The following ABCG1 variants were observed in gnomAD, a reference collection of about 807,000 sequenced individuals.
ABCG1 encodes the protein ATP binding cassette subfamily G member 1, also known as ATP-binding cassette sub-family G member 1.
ABCG1 carries 29 observed loss-of-function variants against 69.2 expected under a neutral mutation model. That is an observed-to-expected ratio of 0.42 (90% confidence interval 0.31 to 0.57). The LOEUF (loss-of-function observed/expected upper bound fraction) is 0.57, where lower values mean the gene tolerates loss of function less well. Among genes scored for constraint, ABCG1 ranks in the 20% least tolerant of loss-of-function variants. The pLI, the probability that ABCG1 is intolerant of heterozygous loss-of-function variation, is 0.15. For missense variants in ABCG1, 718 were observed against 898.1 expected (o/e 0.80, Z 2.56); for synonymous variants, 370 against 374.8 (o/e 0.99, Z 0.15).
At chr21:42,268,814 A>G (rs1206125167) in intron 2 of ABCG1, among the ~76,000 whole-genome samples, 1 of 151,998 alleles carries the variant, frequency 6.6e-6, no homozygotes. Flanking sequence ...TTCCCATGAG[A>G]GGGCCGAATG....
rs2068999553 is a variant in ABCG1, at chr21:42,288,799, G to A, written c.1224+487G>A. Among the ~76,000 whole-genome samples the A allele has an allele frequency of 6.6e-6, 1 of 152,126 alleles. No individual in the cohort carries two copies. Among genetic ancestry groups the A allele is most frequent in the Non-Finnish European group, 1.5e-5 (1 of 68,006 alleles). On this transcript the variant is annotated intron_variant, in intron 10 of 14. Coordinates refer to ENST00000398449, the MANE Select transcript of ABCG1 (RefSeq NM_016818.3). This position sits in a 1 kb window ranked among gnomAD's most constrained non-coding sequence, Gnocchi z 4.8. ...GGAAAGGAAAAAAGAAAGAAAGAAA[G>A]AAATGCCTGAGCCTGGGGAATTTAT...
chr21:42,285,798 T>C (rs2068928712), intron 7 of ABCG1, 82 bp from the exon 8 acceptor site: 1 of 916,684 alleles, frequency 1.1e-6, no homozygotes, highest in Non-Finnish European at 1.8e-6. Context: ...GTTGATTGAT[T>C]GGTTGATTGA....
At position 42,273,871 on chromosome 21, in the gene ABCG1, C is replaced by T. The variant is rs1411468349; in HGVS notation, c.537+436C>T. 6.6e-6 allele frequency among the ~76,000 whole-genome samples: 1 copy of T among 152,184 alleles called. No homozygotes were observed. Among genetic ancestry groups the T allele is most frequent in the East Asian group, 1.9e-4 (1 of 5,194 alleles). ...GTCAGGATACCAAGGGTCTATTCCT[C>T]TGACTCACCTGCCTCCCAGGTGGGA... is the stretch of plus-strand genomic sequence containing the variant. On this transcript the variant is annotated intron_variant, in intron 4 of 14. Transcript: ENST00000398449. This position sits in a 1 kb window ranked among gnomAD's most constrained non-coding sequence, Gnocchi z 5.3.
At chr21:42,233,360 G>C (rs553140303) in intron 2 of ABCG1, among the ~76,000 whole-genome samples, 1 of 152,160 alleles carries the variant, frequency 6.6e-6, no homozygotes, top group African/African-American at 2.4e-5. Flanking sequence ...CTCCTGCCCC[G>C]TGGAGGGAGC....
chr21:42,205,826 A>G (rs1050044254), intron 2 of ABCG1, among the ~76,000 whole-genome samples: 1 of 152,170 alleles, frequency 6.6e-6, no homozygotes, highest in Non-Finnish European at 1.5e-5. Context: ...ATTCAGTGCT[A>G]TAAATTTCCC....
intron 2 of ABCG1, among the ~76,000 whole-genome samples, chr21:42,243,985 A>AT (rs1439503303): frequency 1.3e-5 from 2 of 151,694 alleles, no homozygotes; most frequent in Admixed American, 6.6e-5. Context: ...CGCCCGGCTA[A>AT]TTTTTTGTAT....
At chr21:42,216,083 T>C (rs1018658811), upstream of ABCG1, 2 of 443,996 alleles carry the variant, frequency 4.5e-6, no homozygotes, top group Non-Finnish European at 9.0e-6. Context: ...GATGGCTTTA[T>C]AAAGGGGAGT....
At chr21:42,211,849 A>G (rs1331592901), upstream of ABCG1, among the ~76,000 whole-genome samples, 1 of 152,206 alleles carries the variant, frequency 6.6e-6, no homozygotes, top group Non-Finnish European at 1.5e-5. Context: ...AGATTGTGCC[A>G]CTGCACTCCA....
intron 2 of ABCG1, among the ~76,000 whole-genome samples, chr21:42,206,130 G>C (rs191988717): frequency 2.0e-4 from 31 of 152,198 alleles, no homozygotes; most frequent in Middle Eastern, 3.4e-3. Context: ...AGGCTGAGGT[G>C]GGAGGATCAC....
Position 42,287,880 on chromosome 21 carries a change from C to T in ABCG1, c.974-9C>T, listed in dbSNP as rs778723381. On this transcript the variant is annotated splice_polypyrimidine_tract_variant and intron_variant, in intron 8 of 14. Transcript: ENST00000398449. The surrounding 1 kb of genome is among the most constrained non-coding windows in gnomAD (Gnocchi z 6.2). ...AGCCCGGGCTGACCCCCGTCTGTGT[C>T]TCCTGCAGTCATGGAGGTTGCATCC... is the stretch of plus-strand genomic sequence containing the variant. The T allele has an allele frequency of 5.8e-6, 9 of 1,565,170 alleles. No individual in the cohort carries two copies. In the East Asian group the frequency reaches 1.8e-4, roughly 32 times the overall value.
intron 2 of ABCG1, among the ~76,000 whole-genome samples, chr21:42,258,673 C>T (rs2068351494): frequency 6.6e-6 from 1 of 152,264 alleles, no homozygotes; most frequent in South Asian, 2.1e-4. Flanking sequence ...TAATCCTCCT[C>T]TAGAGCATTC....
intron 2 of ABCG1, among the ~76,000 whole-genome samples, chr21:42,207,712 G>A (rs1358461240): frequency 6.6e-6 from 1 of 152,240 alleles, no homozygotes; most frequent in Non-Finnish European, 1.5e-5. Context: ...ACCCAAAAGA[G>A]GGGCTCCTCA....
intron 2 of ABCG1, among the ~76,000 whole-genome samples, chr21:42,253,836 TC>T (rs1256832859): frequency 2.6e-5 from 4 of 152,114 alleles, no homozygotes; most frequent in Middle Eastern, 3.2e-3. Flanking sequence ...TCTGAGTGCC[TC>T]CTTGGGGTGC....
chr21:42,278,137 G>A lies in ABCG1; in HGVS notation c.588+1192G>A, dbSNP rs60543800. On this transcript the variant is annotated intron_variant, in intron 5 of 14. Transcript: ENST00000398449. ...TTCTGAGATTGAAAAGAAAATGGATGAGTGGAAACCAAAAGAGAGAAAATG... is the reference window on the plus strand; with the variant it reads ...TTCTGAGATTGAAAAGAAAATGGATAAGTGGAAACCAAAAGAGAGAAAATG... Among the ~76,000 whole-genome samples, 465 of 152,318 alleles carry A rather than the reference G, an allele frequency of 3.1e-3. 3 individuals are homozygous for A. The highest frequency in any genetic ancestry group is 9.9e-3 in the African/African-American group (413 of 41,562).
Position 42,225,859 on chromosome 21 carries a change from T to G in ABCG1, c.231T>G (p.Ile77Met). Residue 77 changes from isoleucine to methionine, a missense_variant, in exon 2 of 15, where the codon ATT becomes ATG. Around this residue, in one of 2 missense-constraint regions of ABCG1, gnomAD observed 514 missense variants for 574.3 expected, o/e 0.90. Coordinates refer to ENST00000398449, the MANE Select transcript of ABCG1 (RefSeq NM_016818.3). ...TGCCTCGGAGGGCAGCTGTGAACAT[T>G]GAATTCAGGGACCTTTCCTATTCGG... Reference protein sequence around the residue: ...SSLPRRAAVNIEFRDLSYSVP... With the variant: ...SSLPRRAAVNMEFRDLSYSVP... 1 of 1,613,874 alleles carries G rather than the reference T, an allele frequency of 6.2e-7. No homozygotes were observed. The highest frequency in any genetic ancestry group is 8.5e-7 in the Non-Finnish European group (1 of 1,179,990).
chr21:42,224,202 C>A (rs2067776868), intron 1 of ABCG1, among the ~76,000 whole-genome samples: 1 of 152,192 alleles, frequency 6.6e-6, no homozygotes, highest in Non-Finnish European at 1.5e-5. Context: ...CATCCCCCCT[C>A]CAAAGCCCAG....
chr21:42,284,229 C>G (rs1231129403), intron 6 of ABCG1, among the ~76,000 whole-genome samples: 3 of 148,520 alleles, frequency 2.0e-5, no homozygotes, highest in African/African-American at 4.9e-5. Context: ...GGGGACCCCC[C>G]CACCTCTGTC....
intron 2 of ABCG1, among the ~76,000 whole-genome samples, chr21:42,227,404 G>T (rs1308560986): frequency 6.6e-6 from 1 of 152,184 alleles, no homozygotes; most frequent in Non-Finnish European, 1.5e-5. Context: ...GGCGTCGTTT[G>T]TCTATATAGA....
intron 1 of ABCG1, among the ~76,000 whole-genome samples, chr21:42,225,104 A>C (rs965535974): frequency 1.3e-5 from 2 of 152,218 alleles, no homozygotes; most frequent in Admixed American, 6.5e-5. Flanking sequence ...ACTATTATGA[A>C]GAGGTAGCAA....
Sources: gnomAD v4.1 joint callset for allele counts (sites outside exome capture counted in the v4.1 genomes callset) on GRCh38, gnomAD v4.1.1 for gene constraint, gnomAD v4.1.1 regional missense constraint, Gnocchi (gnomAD v3.1) non-coding constraint, MANE v1.5 for transcripts, NCBI Gene and HGNC (gene_info 2026-07-23, HGNC 2026-07-21) for gene names.